Variants in NAALADL2 observed in about 807,000 individuals in gnomAD.
NAALADL2 encodes the protein inactive N-acetylated-alpha-linked acidic dipeptidase-like protein 2.
A neutral mutation model predicts 87.2 loss-of-function variants in NAALADL2; 76 were observed. The observed-to-expected ratio is 0.87, with a 90% confidence interval of 0.72 to 1.05. NAALADL2 has a LOEUF of 1.05. NAALADL2 is among the 50% of genes least tolerant of loss of function. The pLI, the probability that NAALADL2 is intolerant of heterozygous loss-of-function variation, is 0.00. For synonymous variants in NAALADL2, 354 were observed against 331.0 expected, an observed-to-expected ratio of 1.07 and a Z score of -0.75; for missense variants, 1,089 against 945.8, an observed-to-expected ratio of 1.15 and a Z score of -1.99.
intron 1 of NAALADL2, among the ~76,000 whole-genome samples, chr3:174,884,370 G>A (rs1368059741): frequency 6.6e-6 from 1 of 152,140 alleles, no homozygotes; most frequent in Non-Finnish European, 1.5e-5. Flanking sequence ...GATTGTAATT[G>A]TGACTTCAAA....
chr3:174,606,647 C>A (rs1719100572), intron 2 of NAALADL2, among the ~76,000 whole-genome samples: 1 of 152,060 alleles, frequency 6.6e-6, no homozygotes. Flanking sequence ...ATGAACAAAG[C>A]CTCCAAGAAA....
At chr3:175,182,715 G>GT (rs1369799169) in intron 2 of NAALADL2, among the ~76,000 whole-genome samples, 4 of 151,212 alleles carry the variant, frequency 2.6e-5, no homozygotes, top group Non-Finnish European at 4.4e-5. Context: ...TTTTGTGTTT[G>GT]TTTTTTTATT....
chr3:175,495,080 A>G (rs898543805), intron 9 of NAALADL2, among the ~76,000 whole-genome samples: 3 of 142,790 alleles, frequency 2.1e-5, no homozygotes, highest in African/African-American at 5.1e-5. Flanking sequence ...TCCCATATAT[A>G]TATATATATA....
intron 5 of NAALADL2, among the ~76,000 whole-genome samples, chr3:175,340,788 ATTTCTC>A (rs1013425938): frequency 9.2e-5 from 14 of 152,198 alleles, no homozygotes; most frequent in African/African-American, 3.1e-4. Flanking sequence ...ATCAATAAGC[ATTTCTC>A]AAATGACCAT....
chr3:175,500,595 T>C (rs1028472575), intron 9 of NAALADL2, among the ~76,000 whole-genome samples: 1 of 152,102 alleles, frequency 6.6e-6, no homozygotes, highest in African/African-American at 2.4e-5. Flanking sequence ...CCCTGTGCTC[T>C]AGCATTTTAC....
chr3:175,609,152 A>G (rs1157815735), intron 10 of NAALADL2, among the ~76,000 whole-genome samples: 2 of 152,134 alleles, frequency 1.3e-5, no homozygotes, highest in African/African-American at 2.4e-5. Context: ...TGACAGGTCT[A>G]TTGGCCCACA....
intron 3 of NAALADL2, among the ~76,000 whole-genome samples, chr3:174,742,710 A>T (rs1477828497): frequency 6.6e-6 from 1 of 151,728 alleles, no homozygotes; most frequent in East Asian, 1.9e-4. Flanking sequence ...TGTGAGAAAA[A>T]TATAACAATA....
chr3:175,078,216 A>G (rs1005982607), intron 1 of NAALADL2, among the ~76,000 whole-genome samples: 2 of 151,630 alleles, frequency 1.3e-5, no homozygotes, highest in African/African-American at 4.8e-5. Flanking sequence ...TTACAGACGA[A>G]GTTTTGCCAT....
At position 175,601,970 on chromosome 3, in the gene NAALADL2, A is replaced by C. The variant is rs557454684; in HGVS notation, c.1801-25321A>C. ...ATTTATTTACATTTTTACCAATTGC[A>C]AAAACATGATAAACAGTTGATATTT... On this transcript the variant is annotated intron_variant, in intron 10 of 13. Transcript: ENST00000454872. Among the ~76,000 whole-genome samples the C allele has an allele frequency of 3.1e-4, 47 of 152,318 alleles. No individual in the cohort carries two copies. In the South Asian group the frequency reaches 9.7e-3, roughly 32 times the overall value.
At chr3:174,626,300 C>T (rs1721573482) in intron 2 of NAALADL2, among the ~76,000 whole-genome samples, 1 of 151,870 alleles carries the variant, frequency 6.6e-6, no homozygotes, top group African/African-American at 2.4e-5. Context: ...CTCAATAATT[C>T]TGAGTGTTGT....
At chr3:175,512,361 G>C (rs1299014882) in intron 9 of NAALADL2, among the ~76,000 whole-genome samples, 3 of 152,050 alleles carry the variant, frequency 2.0e-5, no homozygotes, top group Non-Finnish European at 4.4e-5. Context: ...GCTGTATCAT[G>C]GTCAATGATA....
At position 175,452,618 on chromosome 3, in the gene NAALADL2, A is replaced by G. The variant is rs145716636; in HGVS notation, c.1234+5246A>G. ...ATAATTCAGGGAGCTAGAACTCTTT[A>G]CGAAGAACTGATATGTGTGGAGACA... On this transcript the variant is annotated intron_variant, in intron 6 of 13. Transcript: ENST00000454872. Among the ~76,000 whole-genome samples the G allele has an allele frequency of 2.1e-3, 316 of 152,232 alleles. 1 individual carries two copies. The highest frequency in any genetic ancestry group is 7.0e-3 in the African/African-American group (291 of 41,552).
intron 7 of NAALADL2, 71 bp from the exon 8 acceptor site, chr3:175,466,908 T>C (rs1169135749): frequency 1.7e-5 from 21 of 1,256,164 alleles, no homozygotes; most frequent in Middle Eastern, 1.9e-4. Flanking sequence ...AATAGAATTA[T>C]GTAAATGTCA....
intron 9 of NAALADL2, among the ~76,000 whole-genome samples, chr3:175,525,459 A>C (rs1159818550): frequency 6.6e-6 from 1 of 152,182 alleles, no homozygotes; most frequent in Non-Finnish European, 1.5e-5. Flanking sequence ...GAATTAACGT[A>C]GTTTTATAAC....
chr3:174,587,849 G>A (rs1201427543), intron 2 of NAALADL2, among the ~76,000 whole-genome samples: 1 of 152,048 alleles, frequency 6.6e-6, no homozygotes, highest in East Asian at 1.9e-4. Context: ...TGACAATTAT[G>A]TGTCTTGGAG....
At chr3:175,244,261 T>A (rs1747543897) in intron 3 of NAALADL2, among the ~76,000 whole-genome samples, 2 of 152,220 alleles carry the variant, frequency 1.3e-5, no homozygotes, top group African/African-American at 4.8e-5. Flanking sequence ...GCTCTCATGA[T>A]CAGTTTTTAG....
At chr3:174,883,021 G>A (rs540449319) in intron 1 of NAALADL2, among the ~76,000 whole-genome samples, 3 of 151,974 alleles carry the variant, frequency 2.0e-5, no homozygotes, top group African/African-American at 7.2e-5. Context: ...AAGCCAGTCC[G>A]AGATCCAAAA....
intron 2 of NAALADL2, among the ~76,000 whole-genome samples, chr3:175,115,481 T>C (rs1294715716): frequency 8.5e-6 from 1 of 118,046 alleles, no homozygotes; most frequent in Admixed American, 8.7e-5. Flanking sequence ...AAACTCTGAG[T>C]ATTTGCAAAT....
chr3:174,724,412 A>C (rs1346261372), intron 2 of NAALADL2, among the ~76,000 whole-genome samples: 1 of 152,180 alleles, frequency 6.6e-6, no homozygotes, highest in Non-Finnish European at 1.5e-5. Context: ...CTAACTTTTG[A>C]ATGCTTTAGT....
Sources: gnomAD v4.1 joint callset for allele counts (sites outside exome capture counted in the v4.1 genomes callset) on GRCh38, gnomAD v4.1.1 for gene constraint, MANE v1.5 for transcripts, NCBI Gene and HGNC (gene_info 2026-07-23, HGNC 2026-07-21) for gene names.